DENND5B: variants seen among roughly 807,000 people sequenced by gnomAD.
DENND5B encodes DENN domain-containing protein 5B.
Under a neutral mutation model 140.6 loss-of-function variants are expected in DENND5B, and 34 were observed. That is an observed-to-expected ratio of 0.24 (90% confidence interval 0.18 to 0.32). The LOEUF (loss-of-function observed/expected upper bound fraction) is 0.32. DENND5B is among the 10% of genes least tolerant of loss of function. The pLI is 1.00. For synonymous variants in DENND5B, 551 were observed against 562.1 expected (o/e 0.98, Z 0.28); for missense variants, 1,142 against 1,560.2 (o/e 0.73, Z 4.52).
chr12:31,426,084 A>G (rs142314313), intron 9 of DENND5B, among the ~76,000 whole-genome samples: 6 of 152,330 alleles, frequency 3.9e-5, no homozygotes, highest in Non-Finnish European at 7.4e-5. Flanking sequence ...GAAAAATGGT[A>G]GAAGGCTCTC....
chr12:31,398,736 CTTCT>C (rs924940843), intron 16 of DENND5B, among the ~76,000 whole-genome samples: 1 of 152,110 alleles, frequency 6.6e-6, no homozygotes, highest in Non-Finnish European at 1.5e-5. Context: ...TTATTTTAGG[CTTCT>C]TTTTTATTTT....
chr12:31,499,302 T>C (rs572655475), intron 1 of DENND5B, among the ~76,000 whole-genome samples: 1 of 152,214 alleles, frequency 6.6e-6, no homozygotes, highest in Non-Finnish European at 1.5e-5. Context: ...ACATATCAAC[T>C]TAACTCCAAG....
intron 1 of DENND5B, chr12:31,535,116 G>A (rs984232534): frequency 1.3e-5 from 4 of 302,540 alleles, no homozygotes; most frequent in Non-Finnish European, 2.4e-5. Context: ...TTTTGTTTGG[G>A]CATTGATATC....
intron 1 of DENND5B, among the ~76,000 whole-genome samples, chr12:31,545,681 C>T (rs1483714795): frequency 6.6e-6 from 1 of 152,014 alleles, no homozygotes; most frequent in Non-Finnish European, 1.5e-5. Context: ...GGGCCAGGCG[C>T]GGTGGCTCAC....
chr12:31,469,039 G>GA (rs1411323785), intron 3 of DENND5B, among the ~76,000 whole-genome samples: 1 of 151,756 alleles, frequency 6.6e-6, no homozygotes, highest in Non-Finnish European at 1.5e-5. Context: ...ATTTATTCAA[G>GA]AAAAAAATAG....
Position 31,504,552 on chromosome 12 carries a change from C to T in DENND5B, c.128-8633G>A, listed in dbSNP as rs115398363. Reference sequence around the variant, plus strand: ...ATTTGAGATTTATGAACCTTGGGGGCTGTTTTTCAGCCTGATCATCATGGT... The same window carrying T: ...ATTTGAGATTTATGAACCTTGGGGGTTGTTTTTCAGCCTGATCATCATGGT... On this transcript the variant is annotated intron_variant, in intron 1 of 20. Transcript: ENST00000389082. Among the ~76,000 whole-genome samples the T allele has an allele frequency of 9.9e-3, 1,500 of 152,222 alleles. 27 individuals carry two copies. The highest frequency in any genetic ancestry group is 0.033 in the African/African-American group (1,373 of 41,522).
intron 3 of DENND5B, among the ~76,000 whole-genome samples, chr12:31,462,896 T>C (rs773626075): frequency 2.0e-5 from 3 of 150,876 alleles, no homozygotes; most frequent in Non-Finnish European, 3.0e-5. Context: ...GAGGCGGAGG[T>C]TGCAGTGAGC....
chr12:31,476,855 T>C (rs1460721401), intron 3 of DENND5B, among the ~76,000 whole-genome samples: 4 of 152,178 alleles, frequency 2.6e-5, no homozygotes, highest in Admixed American at 2.6e-4. Context: ...AAATTGCTTC[T>C]CTAGGCAGAA....
At chr12:31,435,453 A>C (rs796107813) in intron 7 of DENND5B, among the ~76,000 whole-genome samples, 1 of 152,024 alleles carries the variant, frequency 6.6e-6, no homozygotes, top group Non-Finnish European at 1.5e-5. Flanking sequence ...TGTATCGCCA[A>C]TCTTTTTCTC....
intron 1 of DENND5B, among the ~76,000 whole-genome samples, chr12:31,587,398 T>G (rs1950429339): frequency 6.6e-6 from 1 of 152,112 alleles, no homozygotes; most frequent in Non-Finnish European, 1.5e-5. Flanking sequence ...GACTACCATA[T>G]TCATAGAATT....
At chr12:31,515,897 A>G (rs1345575713) in intron 1 of DENND5B, among the ~76,000 whole-genome samples, 1 of 152,216 alleles carries the variant, frequency 6.6e-6, no homozygotes, top group Non-Finnish European at 1.5e-5. Context: ...TATAGAAGAA[A>G]TTCTTGAAAA....
intron 1 of DENND5B, among the ~76,000 whole-genome samples, chr12:31,496,962 A>C (rs1946783718): frequency 6.6e-6 from 1 of 152,204 alleles, no homozygotes; most frequent in Non-Finnish European, 1.5e-5. Context: ...AGTTCTAATT[A>C]AGTGCAAAAT....
At chr12:31,564,433 G>A (rs1949565592) in intron 1 of DENND5B, among the ~76,000 whole-genome samples, 1 of 151,892 alleles carries the variant, frequency 6.6e-6, no homozygotes, top group South Asian at 2.1e-4. Flanking sequence ...GAAGAATAAT[G>A]AAAAAGTGTG....
intron 1 of DENND5B, among the ~76,000 whole-genome samples, chr12:31,504,135 A>T (rs1947107795): frequency 6.6e-6 from 1 of 152,220 alleles, no homozygotes. Flanking sequence ...CTATAACGTA[A>T]ATCACCATTT....
chr12:31,545,151 C>A (rs1012328564), intron 1 of DENND5B, among the ~76,000 whole-genome samples: 1 of 152,028 alleles, frequency 6.6e-6, no homozygotes, highest in Admixed American at 6.6e-5. Context: ...GAAAAAGAAT[C>A]CAAAAAAACT....
intron 4 of DENND5B, among the ~76,000 whole-genome samples, chr12:31,456,656 AC>A (rs1944792547): frequency 6.6e-6 from 1 of 152,194 alleles, no homozygotes; most frequent in Non-Finnish European, 1.5e-5. Context: ...GAACCCTAAA[AC>A]TGTAGGCCGG....
In DENND5B at chr12:31,440,370, T is replaced by A. The variant is rs530322545; in HGVS notation, c.2012+2405A>T. Among the ~76,000 whole-genome samples, 6 of 152,148 alleles carry A rather than the reference T, an allele frequency of 3.9e-5. No homozygotes were observed. The South Asian group carries it at 8.3e-4, about 21-fold the overall frequency. ...ATCTTAGCACATTTTTTAAGTTCAG[T>A]GTGTATAAAAGCAGGGCCACCCCTT... On this transcript the variant is annotated intron_variant, in intron 7 of 20. Transcript: ENST00000389082.
At chr12:31,530,326 T>TC (rs1193706892) in intron 1 of DENND5B, among the ~76,000 whole-genome samples, 1 of 152,140 alleles carries the variant, frequency 6.6e-6, no homozygotes, top group Non-Finnish European at 1.5e-5. Context: ...TGAGCCAAGA[T>TC]CGTGCCATTG....
At chr12:31,431,387 A>G (rs1213754124) in intron 8 of DENND5B, among the ~76,000 whole-genome samples, 1 of 152,200 alleles carries the variant, frequency 6.6e-6, no homozygotes, top group Non-Finnish European at 1.5e-5. Context: ...CCTCAAGTGA[A>G]CAGTGGTTAG....
Sources: gnomAD v4.1 joint callset for allele counts (sites outside exome capture counted in the v4.1 genomes callset) on GRCh38, gnomAD v4.1.1 for gene constraint, MANE v1.5 for transcripts, NCBI Gene and HGNC (gene_info 2026-07-23, HGNC 2026-07-21) for gene names.